The following TTC34 variants were observed in gnomAD, a reference collection of about 807,000 sequenced individuals.
The protein encoded by TTC34 is tetratricopeptide repeat protein 34.
In TTC34, 44 loss-of-function variants were observed where a neutral mutation model predicts 40.7. That is an observed-to-expected ratio of 1.08 (90% CI 0.85 to 1.39). The LOEUF is 1.39. Ranked by LOEUF, TTC34 falls within the 40% of genes most tolerant of loss-of-function variation. The probability of loss-of-function intolerance (pLI) is 0.00; values close to 1 mark genes in which losing one functional copy is unlikely to be tolerated. For synonymous variants in TTC34, 422 were observed against 398.6 expected (o/e 1.06, Z -0.70); for missense variants, 884 against 838.0 (o/e 1.05, Z -0.68).
chr1:2,794,150 G>A (rs550688320), intron 2 of TTC34, among the ~76,000 whole-genome samples: 12 of 151,996 alleles, frequency 7.9e-5, no homozygotes, highest in Admixed American at 2.6e-4. Context: ...TATGCACCAC[G>A]TGCCTGGATA....
chr1:2,687,261 G>C lies in TTC34; in HGVS notation c.2227-41698C>G, dbSNP rs112006708. On this transcript the variant is annotated intron_variant, in intron 6 of 8. Transcript: ENST00000401095. The stretch of plus-strand genomic sequence containing the variant: ...CACCCACACCCCCAGGTGCGCATCT[G>C]ATGGTCTGGAGCAGCACCCACAACC... Among the ~76,000 whole-genome samples, 276 of 134,220 alleles carry C rather than the reference G, an allele frequency of 2.1e-3. 16 individuals carry two copies. Among genetic ancestry groups the C allele is most frequent in the African/African-American group, 8.6e-3 (264 of 30,660 alleles). 88.1% of individuals were successfully genotyped at this position (134,220 alleles called of 152,430 possible). A position where few individuals can be genotyped will look rare whatever the true frequency, so the allele number is the denominator to read the frequency against.
chr1:2,651,953 G>A (rs1453707372), intron 6 of TTC34, among the ~76,000 whole-genome samples: 1 of 151,998 alleles, frequency 6.6e-6, no homozygotes, highest in Non-Finnish European at 1.5e-5. Context: ...GCCTGAAGCA[G>A]CACCTTCCAC....
intron 6 of TTC34, among the ~76,000 whole-genome samples, chr1:2,651,776 C>T (rs1324832169): frequency 3.3e-5 from 5 of 151,970 alleles, no homozygotes; most frequent in Non-Finnish European, 1.5e-5. Flanking sequence ...CTCAGATGAG[C>T]ATCTGACAGC....
At chr1:2,756,914 T>G (rs1641525765) in intron 6 of TTC34, among the ~76,000 whole-genome samples, 191 of 136,612 alleles carry the variant, frequency 1.4e-3, no homozygotes, top group South Asian at 5.6e-3. Flanking sequence ...CACCCACAGT[T>G]GAGCATCTGA....
intron 6 of TTC34, among the ~76,000 whole-genome samples, chr1:2,778,931 C>T (rs1277279399): frequency 6.6e-6 from 1 of 152,120 alleles, no homozygotes; most frequent in Non-Finnish European, 1.5e-5. Flanking sequence ...GCACTCTCTG[C>T]CCCCAACCCC....
chr1:2,751,889 C>G (rs1423252444), intron 6 of TTC34, among the ~76,000 whole-genome samples: 3 of 83,358 alleles, frequency 3.6e-5, no homozygotes, highest in African/African-American at 1.6e-4. Context: ...AGCACCCACA[C>G]CCCCAGGTGA....
chr1:2,686,689 G>C (rs1640367291), intron 6 of TTC34, among the ~76,000 whole-genome samples: 1 of 143,668 alleles, frequency 7.0e-6, no homozygotes, highest in Non-Finnish European at 1.5e-5. Context: ...GCACCCCCAG[G>C]TGCGCACGTG....
intron 2 of TTC34, among the ~76,000 whole-genome samples, chr1:2,798,702 C>G (rs1643737959): frequency 7.9e-6 from 1 of 127,054 alleles, no homozygotes; most frequent in South Asian, 2.9e-4. Flanking sequence ...AGCCCCCCAG[C>G]GTCCCAGCCT....
At position 2,645,218 on chromosome 1, in the gene TTC34, A is replaced by G; in HGVS notation, c.2497+75T>C. 7.2e-7 allele frequency: 1 copy of G among 1,395,824 alleles called. No individual in the cohort carries two copies. Among genetic ancestry groups the G allele is most frequent in the Non-Finnish European group, 9.3e-7 (1 of 1,074,308 alleles). The allele number at this position is 1,395,824 out of a possible 1,614,324, so 86.5% of individuals were successfully genotyped here. ...GGGTCTCTTTCTTCCATTTTTACAG[A>G]ACAGGATACAGAGGTCAGAGGAGCG... is the stretch of plus-strand genomic sequence containing the variant. On this transcript the variant is annotated intron_variant, in intron 7 of 8. Transcript: ENST00000401095. The surrounding 1 kb of genome is among the most constrained non-coding windows in gnomAD (Gnocchi z 4.7).
chr1:2,657,411 GTAC>G (rs1639387069), intron 6 of TTC34, among the ~76,000 whole-genome samples: 2 of 91,118 alleles, frequency 2.2e-5, no homozygotes, highest in Non-Finnish European at 2.8e-5. Flanking sequence ...TCCCGGAGCA[GTAC>G]CAGTACCCCC....
In TTC34 at chr1:2,641,543, G is replaced by A. The variant is rs1282355900; in HGVS notation, c.3065C>T (p.Ala1022Val). The change falls in exon 9 of 9, where the codon GCC (alanine) becomes GTC (valine). Residue 1022 changes from alanine to valine, a missense_variant. Coordinates refer to ENST00000401095, the Ensembl canonical transcript of TTC34. The stretch of plus-strand genomic sequence containing the variant: ...GAGAAGGAACATGCGTGCAGTGGGG[G>A]CCCGGCCTGGCTGCCTGCACAGGCT... The A allele has an allele frequency of 2.6e-6, 4 of 1,533,834 alleles. No individual in the cohort carries two copies. The African/African-American group carries it at 5.5e-5, about 21-fold the overall frequency.
chr1:2,677,838 AGC>A (rs1639973604), intron 6 of TTC34, among the ~76,000 whole-genome samples: 7 of 39,980 alleles, frequency 1.8e-4, no homozygotes, highest in African/African-American at 3.0e-4. Context: ...GATGGTCTGG[AGC>A]AGCACCCACA....
intron 6 of TTC34, among the ~76,000 whole-genome samples, chr1:2,687,785 C>T (rs1463835329): frequency 5.6e-5 from 8 of 143,648 alleles, no homozygotes; most frequent in Non-Finnish European, 9.0e-5. Flanking sequence ...GAGCATCTGA[C>T]AGCCTGGGTC....
chr1:2,797,466 C>T (rs368952751), intron 2 of TTC34, among the ~76,000 whole-genome samples: 35 of 152,282 alleles, frequency 2.3e-4, no homozygotes, highest in African/African-American at 7.7e-4. Context: ...CTAAACCCCC[C>T]TTTTTCAAAC....
chr1:2,640,262 G>C (rs190334267), exon 9 of TTC34: 3 of 152,230 alleles, frequency 2.0e-5, no homozygotes, highest in Non-Finnish European at 2.9e-5. Context: ...AGAAAGCCCC[G>C]GGCTGAGGCC....
chr1:2,687,653 G>T (rs1347471779), intron 6 of TTC34, among the ~76,000 whole-genome samples: 3 of 151,570 alleles, frequency 2.0e-5, no homozygotes, highest in Admixed American at 1.3e-4. Flanking sequence ...ACACCCCCAG[G>T]TGAGCATCTG....
At chr1:2,800,988 A>T (rs1034304373) in intron 1 of TTC34, 120 bp from the exon 2 acceptor site, 1 of 397,476 alleles carries the variant, frequency 2.5e-6, no homozygotes, top group South Asian at 1.4e-4. Context: ...GTCAGTGCAG[A>T]CCCCACTGGG....
intron 2 of TTC34, among the ~76,000 whole-genome samples, chr1:2,791,456 T>G (rs894571323): frequency 2.6e-5 from 4 of 152,180 alleles, no homozygotes; most frequent in African/African-American, 7.2e-5. Flanking sequence ...AGCAACAATC[T>G]GCTGCATTCA....
At chr1:2,751,248 C>G (rs1187101577) in intron 6 of TTC34, among the ~76,000 whole-genome samples, 1 of 110,626 alleles carries the variant, frequency 9.0e-6, no homozygotes, top group Non-Finnish European at 1.8e-5. Context: ...GCAGGCACAC[C>G]CCCAGTGAGC....
Sources: gnomAD v4.1 joint callset for allele counts (sites outside exome capture counted in the v4.1 genomes callset) on GRCh38, gnomAD v4.1.1 for gene constraint, Gnocchi (gnomAD v3.1) non-coding constraint, MANE v1.5 for transcripts, NCBI Gene and HGNC (gene_info 2026-07-23, HGNC 2026-07-21) for gene names.